SLC9A3: variants seen among roughly 807,000 people sequenced by gnomAD.
SLC9A3 encodes the protein solute carrier family 9 member A3.
Under a neutral mutation model 86.8 loss-of-function variants are expected in SLC9A3, and 37 were observed. That is an observed-to-expected ratio of 0.43 (90% CI 0.33 to 0.56). SLC9A3 has a LOEUF of 0.56. Among genes scored for constraint, SLC9A3 ranks in the 20% least tolerant of loss-of-function variants. SLC9A3 has a pLI of 0.06. For missense variants in SLC9A3, 1,011 were observed against 1,171.9 expected (o/e 0.86, Z 2.00); for synonymous variants, 581 against 528.3 (o/e 1.10, Z -1.37).
intron 5 of SLC9A3, 119 bp from the exon 6 acceptor site, chr5:483,601 CG>C (rs1320630064): frequency 1.3e-6 from 1 of 742,258 alleles, no homozygotes; most frequent in South Asian, 1.6e-5. Context: ...TGTGTGGTTA[CG>C]GGGGCCTCTT....
In SLC9A3 at chr5:472,150, C is replaced by T. The variant is rs1738393621; in HGVS notation, c.*1229G>A. 5.2e-6 allele frequency: 2 copies of T among 381,126 alleles called. No individual in the cohort carries two copies. The highest frequency in any genetic ancestry group is 1.0e-5 in the Non-Finnish European group (2 of 192,918). 23.6% of individuals were successfully genotyped at this position (381,126 alleles called of 1,614,324 possible). ...AGCACCCTCCCCGGCTCAGCACCCGCGGCCTCCGCCCACTCAATGGACTGT... is the reference window on the plus strand; with the variant it reads ...AGCACCCTCCCCGGCTCAGCACCCGTGGCCTCCGCCCACTCAATGGACTGT... On this transcript the variant is annotated 3_prime_UTR_variant, in exon 17 of 17. Transcript: ENST00000264938.
rs1285139337 is a variant in SLC9A3, at chr5:485,328, C to A, written c.676-97G>T. ...GCTGGACTTGGCCCGAGTGTGGAGC[C>A]CATGGCACCCGAGGCCGTTGGAAGG... On this transcript the variant is annotated intron_variant, in intron 3 of 16. Transcript: ENST00000264938. 7 of 949,996 alleles carry A rather than the reference C, an allele frequency of 7.4e-6. No individual in the cohort carries two copies. The Admixed American group carries it at 1.1e-4, about 15-fold the overall frequency. The allele number at this position is 949,996 out of a possible 1,614,324, so 58.8% of individuals were successfully genotyped here. A position where few individuals can be genotyped will look rare whatever the true frequency, so the allele number is the denominator to read the frequency against.
intron 1 of SLC9A3, among the ~76,000 whole-genome samples, chr5:492,776 A>T (rs1293244457): frequency 1.3e-5 from 2 of 151,976 alleles, no homozygotes; most frequent in African/African-American, 4.8e-5. Context: ...CCTGTCCCTG[A>T]CGTTGTGGCC....
At chr5:506,916 C>T (rs1333398484) in intron 1 of SLC9A3, among the ~76,000 whole-genome samples, 1 of 148,734 alleles carries the variant, frequency 6.7e-6, no homozygotes, top group Non-Finnish European at 1.5e-5. Flanking sequence ...ATACAAAATA[C>T]AAAAATTAGC....
At chr5:521,842 A>C (rs553235954) in intron 1 of SLC9A3, among the ~76,000 whole-genome samples, 60 of 152,232 alleles carry the variant, frequency 3.9e-4, no homozygotes, top group African/African-American at 1.4e-3. Flanking sequence ...GAATCTGAGA[A>C]GTCCAGAGTT....
At chr5:475,491 G>T in intron 15 of SLC9A3, 70 bp downstream of exon 15, 8 of 914,482 alleles carry the variant, frequency 8.7e-6, no homozygotes, top group South Asian at 1.5e-5. Flanking sequence ...CTGGTCCAAT[G>T]ACCGAGCTCC....
intron 6 of SLC9A3, 150 bp downstream of exon 6, chr5:483,112 C>T (rs1173407677): frequency 3.0e-6 from 2 of 657,902 alleles, no homozygotes; most frequent in Non-Finnish European, 5.2e-6. Flanking sequence ...CCTCCCACCC[C>T]AGCCCCGAGG....
Position 472,838 on chromosome 5 carries a change from G to A in SLC9A3, c.*541C>T. ...CAGTCCCCGGGCGCGGGGCTCGGTT[G>A]GGGGGGCCCGGAACCTTGGGCTGGT... On this transcript the variant is annotated 3_prime_UTR_variant, in exon 17 of 17. Coordinates refer to ENST00000264938, the MANE Select transcript of SLC9A3 (RefSeq NM_004174.4). 1 of 520,706 alleles carries A rather than the reference G, an allele frequency of 1.9e-6. No homozygotes were observed. Among genetic ancestry groups the A allele is most frequent in the Non-Finnish European group, 3.6e-6 (1 of 275,400 alleles). 32.3% of individuals were successfully genotyped at this position (520,706 alleles called of 1,614,324 possible). A position where few individuals can be genotyped will look rare whatever the true frequency, so the allele number is the denominator to read the frequency against.
rs554715787 is a variant in SLC9A3 at position 471,177 on chromosome 5, G to C, written c.*2202C>G. 6.3e-6 allele frequency: 1 copy of C among 157,486 alleles called. No homozygotes were observed. The highest frequency in any genetic ancestry group is 1.4e-5 in the Non-Finnish European group (1 of 70,784). The allele number at this position is 157,486 out of a possible 1,614,324, so 9.8% of individuals were successfully genotyped here. A position where few individuals can be genotyped will look rare whatever the true frequency, so the allele number is the denominator to read the frequency against. ...AGACCGACCAGTCAAGGAGGTGTTGGTGGGAGTGTTGTGTTCACCATGTGG... is the reference window on the plus strand; with the variant it reads ...AGACCGACCAGTCAAGGAGGTGTTGCTGGGAGTGTTGTGTTCACCATGTGG... On this transcript the variant is annotated 3_prime_UTR_variant, in exon 17 of 17. Transcript: ENST00000264938.
rs886892603 is a variant in SLC9A3, at chr5:491,662, C to T, written c.514+107G>A. The T allele has an allele frequency of 9.0e-5, 95 of 1,050,236 alleles. No homozygotes were observed. Among genetic ancestry groups the T allele is most frequent in the Non-Finnish European group, 1.2e-4 (86 of 746,210 alleles). The allele number at this position is 1,050,236 out of a possible 1,614,324, so 65.1% of individuals were successfully genotyped here. On this transcript the variant is annotated intron_variant, in intron 2 of 16. Coordinates refer to ENST00000264938, the MANE Select transcript of SLC9A3 (RefSeq NM_004174.4). This position sits in a 1 kb window ranked among gnomAD's most constrained non-coding sequence, Gnocchi z 9.2. Reference sequence around the variant, plus strand: ...GCCACGTTTCTCACCTGACACTTACCGCCTGGAGGCCAGGGTGCGGCACCC... The same window carrying T: ...GCCACGTTTCTCACCTGACACTTACTGCCTGGAGGCCAGGGTGCGGCACCC...
Position 483,496 on chromosome 5 carries a change from C to T in SLC9A3, c.933-14G>A, listed in dbSNP as rs768936698. On this transcript the variant is annotated splice_polypyrimidine_tract_variant and intron_variant, in intron 5 of 16. Transcript: ENST00000264938. ...CAGAAGGTGATGCTGCAGGGACAGA[C>T]GCGCCTCAGGACACGGCCACCTGGC... The T allele has an allele frequency of 6.1e-5, 94 of 1,552,492 alleles. No homozygotes were observed. Among genetic ancestry groups the T allele is most frequent in the Middle Eastern group, 1.7e-4 (1 of 5,928 alleles).
At chr5:517,193 A>G (rs912565322) in intron 1 of SLC9A3, among the ~76,000 whole-genome samples, 1 of 151,038 alleles carries the variant, frequency 6.6e-6, no homozygotes, top group African/African-American at 2.4e-5. Context: ...CCATCCATCA[A>G]TCCACTCATC....
At chr5:473,495 C>G in intron 16 of SLC9A3, 113 bp from the exon 17 acceptor site, 1 of 916,916 alleles carries the variant, frequency 1.1e-6, no homozygotes, top group Middle Eastern at 3.9e-4. Flanking sequence ...TCCCCTCCCG[C>G]GGCGCACCCC....
intron 2 of SLC9A3, among the ~76,000 whole-genome samples, chr5:490,188 C>A (rs1378171408): frequency 6.6e-6 from 1 of 152,282 alleles, no homozygotes; most frequent in South Asian, 2.1e-4. Context: ...GGCCCCAAGG[C>A]TGAGCGCAGG....
At chr5:517,685 TCCATCCAC>T (rs1360456514) in intron 1 of SLC9A3, among the ~76,000 whole-genome samples, 79 of 149,924 alleles carry the variant, frequency 5.3e-4, no homozygotes, top group African/African-American at 2.0e-3. Flanking sequence ...CATCCATCCA[TCCATCCAC>T]CCATCCATCC....
At chr5:502,489 C>T (rs528656629) in intron 1 of SLC9A3, among the ~76,000 whole-genome samples, 33 of 152,220 alleles carry the variant, frequency 2.2e-4, no homozygotes, top group Admixed American at 4.6e-4. Context: ...GCACAGTCCC[C>T]GGCAAGACAC....
Position 476,296 on chromosome 5 carries a change from C to A in SLC9A3, c.1973G>T (p.Arg658Leu). 6.2e-7 allele frequency: 1 copy of A among 1,614,002 alleles called. No individual in the cohort carries two copies. The highest frequency in any genetic ancestry group is 8.5e-7 in the Non-Finnish European group (1 of 1,180,020). Residue 658 changes from arginine to leucine, a missense_variant, in exon 13 of 17, where the codon CGG (arginine) becomes CTG (leucine). Around this residue, in one of 3 missense-constraint regions of SLC9A3, gnomAD observed 397 missense variants for 346.3 expected, o/e 1.15. Transcript: ENST00000264938. ...CGACTTGAAGGACTCCAGGCGCTTC[C>A]GCATGGTCCTGTGGAAGATTTCCCG... is the stretch of plus-strand genomic sequence containing the variant. ...QDREIFHRTM[R>L]KRLESFKSTK... is the part of the protein sequence containing the mutation.
chr5:482,617 G>C lies in SLC9A3; in HGVS notation c.1287C>G (p.Asp429Glu). 1 of 1,612,864 alleles carries C rather than the reference G, an allele frequency of 6.2e-7. No homozygotes were observed. Among genetic ancestry groups the C allele is most frequent in the Non-Finnish European group, 8.5e-7 (1 of 1,179,924 alleles). The stretch of plus-strand genomic sequence containing the variant: ...CGAACAGGTTCTTCTCCTTGACCTT[G>C]TCTCCATCCAGAAGCACCACCAGGG... ...AFALVVLLDGDKVKEKNLFVS... is the reference protein window; with the variant it reads ...AFALVVLLDGEKVKEKNLFVS... The change falls in exon 7 of 17, where the codon GAC becomes GAG. Residue 429 changes from aspartate to glutamate, a missense_variant. Coordinates refer to ENST00000264938, the MANE Select transcript of SLC9A3 (RefSeq NM_004174.4).
chr5:500,579 G>A (rs57894908), intron 1 of SLC9A3, among the ~76,000 whole-genome samples: 241 of 145,774 alleles, frequency 1.7e-3, no homozygotes, highest in African/African-American at 5.6e-3. Context: ...ACACAGGGCC[G>A]GTGTGGACAT....
Sources: gnomAD v4.1 joint callset for allele counts (sites outside exome capture counted in the v4.1 genomes callset) on GRCh38, gnomAD v4.1.1 for gene constraint, gnomAD v4.1.1 regional missense constraint, Gnocchi (gnomAD v3.1) non-coding constraint, MANE v1.5 for transcripts, NCBI Gene and HGNC (gene_info 2026-07-23, HGNC 2026-07-21) for gene names.